The following TSPAN15 variants were observed in gnomAD, a reference collection of about 807,000 sequenced individuals.
The protein encoded by TSPAN15 is tetraspanin-15.
TSPAN15 carries 20 observed loss-of-function variants against 34.5 expected under a neutral mutation model. The observed-to-expected ratio is 0.58, with a 90% CI of 0.41 to 0.84. The LOEUF is 0.84. Among genes scored for constraint, TSPAN15 ranks in the 40% least tolerant of loss-of-function variants. The probability of loss-of-function intolerance (pLI) is 0.00; values close to 1 mark genes in which losing one functional copy is unlikely to be tolerated. For missense variants in TSPAN15, 313 were observed against 386.1 expected (o/e 0.81, Z 1.59); for synonymous variants, 155 against 153.9 (o/e 1.01, Z -0.05).
At chr10:69,462,687 G>A (rs1019275430) in intron 1 of TSPAN15, among the ~76,000 whole-genome samples, 2 of 152,190 alleles carry the variant, frequency 1.3e-5, no homozygotes, top group African/African-American at 2.4e-5. Flanking sequence ...AGCTGGAGTC[G>A]AAACCACAGC....
intron 1 of TSPAN15, 65 bp from the exon 2 acceptor site, chr10:69,483,626 G>T: frequency 1.3e-6 from 2 of 1,530,622 alleles, no homozygotes; most frequent in South Asian, 2.5e-5. Flanking sequence ...AGCCCCAGAT[G>T]ACTCTTTGCT....
intron 3 of TSPAN15, among the ~76,000 whole-genome samples, chr10:69,487,189 C>T (rs1196234761): frequency 6.6e-6 from 1 of 152,058 alleles, no homozygotes; most frequent in Non-Finnish European, 1.5e-5. Context: ...TGACCCCGGG[C>T]ATGGTTTCTG....
At chr10:69,508,424 G>C (rs1033388113), downstream of TSPAN15, among the ~76,000 whole-genome samples, 1 of 116,502 alleles carries the variant, frequency 8.6e-6, no homozygotes, top group Non-Finnish European at 1.6e-5. Context: ...CTGGGCAACA[G>C]AGTGAGACTC....
chr10:69,548,032 T>A, the TSPAN15 span, among the ~76,000 whole-genome samples: 2 of 152,186 alleles, frequency 1.3e-5, no homozygotes, highest in Non-Finnish European at 2.9e-5. Flanking sequence ...AGGGAGAGGC[T>A]TGAATCACAT....
At chr10:69,511,036 CTT>C (rs1016370798), downstream of TSPAN15, among the ~76,000 whole-genome samples, 1 of 151,862 alleles carries the variant, frequency 6.6e-6, no homozygotes, top group Non-Finnish European at 1.5e-5. Flanking sequence ...CTGAAATTTT[CTT>C]TTTTTTGTTG....
At chr10:69,453,146 G>T (rs886121278) in intron 1 of TSPAN15, among the ~76,000 whole-genome samples, 1 of 118,908 alleles carries the variant, frequency 8.4e-6, no homozygotes, top group Admixed American at 8.2e-5. Context: ...CAGTATGTTT[G>T]GGGGGCGGAG....
intron 3 of TSPAN15, among the ~76,000 whole-genome samples, chr10:69,486,023 C>T (rs1841845776): frequency 1.3e-5 from 2 of 152,212 alleles, no homozygotes; most frequent in African/African-American, 4.8e-5. Flanking sequence ...CCAGCTCCTT[C>T]AGGCAGGATG....
At chr10:69,470,905 C>T (rs1378795557) in intron 1 of TSPAN15, among the ~76,000 whole-genome samples, 1 of 152,114 alleles carries the variant, frequency 6.6e-6, no homozygotes, top group African/African-American at 2.4e-5. Context: ...CTTGCTGTTT[C>T]TTGAAAACAC....
Position 69,506,164 on chromosome 10 carries a change from C to T in TSPAN15, c.659C>T (p.Thr220Ile), listed in dbSNP as rs1842322490. ...GATGTCATCTACGTGCGGGGCTGCA[C>T]CAACGCCGTGATCATCTGGTTCATG... ...VQDVIYVRGC[T>I]NAVIIWFMDN... Residue 220 changes from threonine (T) to isoleucine (I), a missense_variant, in exon 7 of 8, where the codon ACC (threonine) becomes ATC (isoleucine). Physicochemically the swap from Thr to Ile is moderately conservative, Grantham distance 89 (BLOSUM62 -1). Coordinates refer to ENST00000373290, the MANE Select transcript of TSPAN15 (RefSeq NM_012339.5). The surrounding 1 kb of genome is among the most constrained non-coding windows in gnomAD (Gnocchi z 4.7). The T allele has an allele frequency of 1.2e-6, 2 of 1,614,220 alleles. No individual in the cohort carries two copies. Among genetic ancestry groups the T allele is most frequent in the Non-Finnish European group, 1.7e-6 (2 of 1,180,040 alleles).
intron 3 of TSPAN15, among the ~76,000 whole-genome samples, chr10:69,487,887 C>T (rs1841887826): frequency 2.0e-5 from 3 of 152,208 alleles, no homozygotes; most frequent in Non-Finnish European, 4.4e-5. Flanking sequence ...TGCTCCTTCC[C>T]CTTGGGTGGT....
At chr10:69,495,460 G>A in intron 3 of TSPAN15, 134 bp from the exon 4 acceptor site, 1 of 648,344 alleles carries the variant, frequency 1.5e-6, no homozygotes, top group Non-Finnish European at 2.8e-6. Context: ...GGGGAGTGGA[G>A]GGGGCTCCAT....
the TSPAN15 span, among the ~76,000 whole-genome samples, chr10:69,527,769 G>T: frequency 6.8e-6 from 1 of 147,702 alleles, no homozygotes; most frequent in African/African-American, 2.5e-5. Flanking sequence ...AGATTCATAT[G>T]AAATGTGTAG....
At chr10:69,483,028 G>A (rs1377152429) in intron 1 of TSPAN15, among the ~76,000 whole-genome samples, 1 of 151,786 alleles carries the variant, frequency 6.6e-6, no homozygotes, top group Non-Finnish European at 1.5e-5. Context: ...TCGCTCTGTT[G>A]CCCAGGCTGG....
At position 69,495,628 on chromosome 10, in the gene TSPAN15, G is replaced by A; in HGVS notation, c.392G>A (p.Gly131Glu). The change falls in exon 4 of 8, where the codon GGA (glycine) becomes GAA (glutamate). Residue 131 changes from glycine (G) to glutamate (E), a missense_variant. Coordinates refer to ENST00000373290, the MANE Select transcript of TSPAN15 (RefSeq NM_012339.5). ...TTCCTGAACGACAACATTCGAAGAG[G>A]AATTGAGAACTACTATGATGATCTG... ...IDFLNDNIRR[G>E]IENYYDDLDF... 2 of 1,614,034 alleles carry A rather than the reference G, an allele frequency of 1.2e-6. No homozygotes were observed. The highest frequency in any genetic ancestry group is 1.7e-6 in the Non-Finnish European group (2 of 1,179,886).
At chr10:69,456,512 A>G (rs35355528) in intron 1 of TSPAN15, among the ~76,000 whole-genome samples, 17,568 of 152,108 alleles carry the variant, frequency 0.12, 1,015 homozygotes, top group African/African-American at 0.12. Flanking sequence ...TTTATTTTTA[A>G]AAGGAGGCTT....
chr10:69,528,295 C>T, the TSPAN15 span, among the ~76,000 whole-genome samples: 8 of 148,716 alleles, frequency 5.4e-5, 1 homozygote, highest in South Asian at 1.1e-3. Context: ...AACTTGGAGA[C>T]GCCAGGCACT....
intron 1 of TSPAN15, among the ~76,000 whole-genome samples, chr10:69,473,223 G>T (rs1445075588): frequency 3.3e-5 from 5 of 152,176 alleles, no homozygotes; most frequent in Non-Finnish European, 7.3e-5. Flanking sequence ...GCAGTGGCAC[G>T]ATCATGGCTC....
chr10:69,540,963 G>C, the TSPAN15 span, among the ~76,000 whole-genome samples: 1 of 152,182 alleles, frequency 6.6e-6, no homozygotes, highest in African/African-American at 2.4e-5. Context: ...GGCCCTGGGT[G>C]GTGCCAGCCT....
chr10:69,480,894 T>C (rs1841720437), intron 1 of TSPAN15, among the ~76,000 whole-genome samples: 2 of 152,184 alleles, frequency 1.3e-5, no homozygotes, highest in African/African-American at 2.4e-5. Flanking sequence ...GAAGGGGTTT[T>C]GCCATGGTGG....
Sources: gnomAD v4.1 joint callset for allele counts (sites outside exome capture counted in the v4.1 genomes callset) on GRCh38, gnomAD v4.1.1 for gene constraint, Gnocchi (gnomAD v3.1) non-coding constraint, MANE v1.5 for transcripts, NCBI Gene and HGNC (gene_info 2026-07-23, HGNC 2026-07-21) for gene names.